UGT2B4: variants seen among roughly 807,000 people sequenced by gnomAD.
The protein encoded by UGT2B4 is UDP-glucuronosyltransferase 2B4.
Under a neutral mutation model 49.8 loss-of-function variants are expected in UGT2B4, and 49 were observed. That is an observed-to-expected ratio of 0.98 (90% CI 0.78 to 1.25). The LOEUF is 1.25. Among genes scored for constraint, UGT2B4 ranks in the 50% most tolerant of loss-of-function variants. UGT2B4 has a pLI of 0.00. For missense variants in UGT2B4, 729 were observed against 627.7 expected (o/e 1.16, Z -1.73); for synonymous variants, 246 against 217.7 (o/e 1.13, Z -1.14).
chr4:69,525,684 T>G, intron 1 of UGT2B4: 1 of 1,278,064 alleles, frequency 7.8e-7, no homozygotes, highest in Non-Finnish European at 1.0e-6. Flanking sequence ...TTATAGCACT[T>G]ACCTAATCCA....
At position 69,480,452 on chromosome 4, in the gene UGT2B4, T is replaced by C; in HGVS notation, c.*182A>G. 1 of 862,662 alleles carries C rather than the reference T, an allele frequency of 1.2e-6. No homozygotes were observed. 53.4% of individuals were successfully genotyped at this position (862,662 alleles called of 1,614,324 possible). On this transcript the variant is annotated 3_prime_UTR_variant, in exon 6 of 6. Transcript: ENST00000305107. ...TTTGTTTTCCCTAATGTTTTCCTCC[T>C]TGACATGAAATATTTCTAATGGTTA...
chr4:69,489,065 GT>G (rs1436606490), intron 3 of UGT2B4, among the ~76,000 whole-genome samples: 1 of 152,090 alleles, frequency 6.6e-6, no homozygotes, highest in East Asian at 1.9e-4. Flanking sequence ...AAAATGTAAC[GT>G]TTTCTAACAC....
chr4:69,520,499 G>A (rs372761201), intron 1 of UGT2B4, among the ~76,000 whole-genome samples: 9 of 152,200 alleles, frequency 5.9e-5, no homozygotes, highest in East Asian at 1.9e-4. Flanking sequence ...TGTATTCATG[G>A]GGGTTCAGGA....
chr4:69,497,837 T>C (rs935699472), upstream of UGT2B4, among the ~76,000 whole-genome samples: 6 of 152,206 alleles, frequency 3.9e-5, no homozygotes, highest in African/African-American at 7.2e-5. Flanking sequence ...AAAATTGCTA[T>C]CAAACAAAAA....
upstream of UGT2B4, among the ~76,000 whole-genome samples, chr4:69,500,536 A>AAAGAAAGAAAGAC (rs1728275720): frequency 6.7e-6 from 1 of 150,092 alleles, no homozygotes; most frequent in South Asian, 2.1e-4. Flanking sequence ...AAGAAAGAAG[A>AAAGAAAGAAAGAC]AAGAAAGAAA....
intron 1 of UGT2B4, 95 bp downstream of exon 1, chr4:69,495,046 A>AC (rs1728103879): frequency 6.2e-6 from 7 of 1,122,494 alleles, no homozygotes; most frequent in Non-Finnish European, 7.3e-6. Flanking sequence ...TTACAAAAAT[A>AC]CCCCACTACC....
chr4:69,485,513 C>A lies in UGT2B4; in HGVS notation c.1091-86G>T, dbSNP rs529607285. 75 of 1,548,500 alleles carry A rather than the reference C, an allele frequency of 4.8e-5. No individual in the cohort carries two copies. The South Asian group carries it at 7.8e-4, about 16-fold the overall frequency. ...GAAGAATCTGAATGTGACGGTGTTT[C>A]CTAGATAACACACTGAACTGAATTA... On this transcript the variant is annotated intron_variant, in intron 4 of 5. Coordinates refer to ENST00000305107, the MANE Select transcript of UGT2B4 (RefSeq NM_021139.3).
intron 1 of UGT2B4, among the ~76,000 whole-genome samples, chr4:69,514,650 T>C (rs1728686403): frequency 6.6e-6 from 1 of 152,216 alleles, no homozygotes; most frequent in Non-Finnish European, 1.5e-5. Flanking sequence ...ATCTGCTTTA[T>C]TGAAAATTTT....
upstream of UGT2B4, among the ~76,000 whole-genome samples, chr4:69,500,674 G>A (rs1013048076): frequency 6.9e-5 from 6 of 86,614 alleles, no homozygotes; most frequent in Admixed American, 2.2e-4. Flanking sequence ...AGAAAGGAAG[G>A]AAAGAAAAGA....
intron 1 of UGT2B4, among the ~76,000 whole-genome samples, chr4:69,512,338 T>G (rs1364769125): frequency 6.6e-6 from 1 of 152,144 alleles, no homozygotes; most frequent in Admixed American, 6.5e-5. Context: ...TGGTATGTTG[T>G]GTTTTTATTT....
intron 5 of UGT2B4, among the ~76,000 whole-genome samples, chr4:69,482,073 C>T (rs1392327382): frequency 6.6e-6 from 1 of 152,124 alleles, no homozygotes; most frequent in African/African-American, 2.4e-5. Flanking sequence ...GGGACATTGG[C>T]CTTATATTTT....
At chr4:69,514,900 A>G (rs530379392) in intron 1 of UGT2B4, among the ~76,000 whole-genome samples, 4 of 152,188 alleles carry the variant, frequency 2.6e-5, no homozygotes, top group Non-Finnish European at 5.9e-5. Context: ...CCTAGTTTAA[A>G]CCAACAAAGA....
At chr4:69,522,335 C>G (rs1728867195) in intron 1 of UGT2B4, among the ~76,000 whole-genome samples, 1 of 152,076 alleles carries the variant, frequency 6.6e-6, no homozygotes, top group Non-Finnish European at 1.5e-5. Context: ...TGTAGACTAT[C>G]CGTTAGGTGG....
At chr4:69,483,395 T>C (rs555494754) in intron 5 of UGT2B4, among the ~76,000 whole-genome samples, 24 of 152,274 alleles carry the variant, frequency 1.6e-4, no homozygotes, top group Non-Finnish European at 2.1e-4. Context: ...TGTGTGTGTG[T>C]TATGTTACAT....
intron 1 of UGT2B4, among the ~76,000 whole-genome samples, chr4:69,502,248 G>A (rs1728359264): frequency 6.7e-6 from 1 of 150,036 alleles, no homozygotes; most frequent in Admixed American, 6.7e-5. Flanking sequence ...TTAAGTTCCA[G>A]GATACATGTC....
At chr4:69,500,606 G>GCAAGAAAGCAAGAAAGA (rs1553896493), upstream of UGT2B4, among the ~76,000 whole-genome samples, 66 of 99,598 alleles carry the variant, frequency 6.6e-4, 2 homozygotes, top group African/African-American at 1.4e-3. Context: ...AGAAAGCAAG[G>GCAAGAAAGCAAGAAAGA]AAGAAAGAAA....
upstream of UGT2B4, among the ~76,000 whole-genome samples, chr4:69,500,656 A>AGAAG (rs1728292896): frequency 8.1e-6 from 1 of 123,516 alleles, no homozygotes; most frequent in Non-Finnish European, 2.0e-5. Context: ...AAAGAAAGAA[A>AGAAG]GAAAGAAAGA....
chr4:69,488,060 AAGGT>A (rs1727847180), intron 3 of UGT2B4, among the ~76,000 whole-genome samples: 2 of 152,194 alleles, frequency 1.3e-5, no homozygotes, highest in Non-Finnish European at 2.9e-5. Context: ...TAATGCTGCA[AAGGT>A]AGCATGTATA....
intron 3 of UGT2B4, among the ~76,000 whole-genome samples, chr4:69,486,998 A>T (rs573502614): frequency 6.6e-6 from 1 of 152,222 alleles, no homozygotes; most frequent in Non-Finnish European, 1.5e-5. Context: ...ACTATATGAA[A>T]AAAAGGTTTA....
Sources: allele counts gnomAD v4.1 joint callset (sites outside exome capture counted in the v4.1 genomes callset), GRCh38; gene constraint gnomAD v4.1.1; transcripts MANE v1.5; gene names NCBI Gene and HGNC (gene_info 2026-07-23, HGNC 2026-07-21).